MCTP1: variants seen among roughly 807,000 people sequenced by gnomAD.
MCTP1 encodes the protein multiple C2 and transmembrane domain containing 1.
In MCTP1, 69 loss-of-function variants were observed where a neutral mutation model predicts 120.6. The ratio of observed to expected loss-of-function variants is 0.57; its 90% CI spans 0.47 to 0.70. MCTP1 has a LOEUF of 0.70. Among genes scored for constraint, MCTP1 ranks in the 30% least tolerant of loss-of-function variants. The probability of loss-of-function intolerance (pLI) is 0.00; values close to 1 mark genes in which losing one functional copy is unlikely to be tolerated. For missense variants in MCTP1, 1,203 were observed against 1,248.8 expected, an observed-to-expected ratio of 0.96 and a Z score of 0.55; for synonymous variants, 529 against 493.1, an observed-to-expected ratio of 1.07 and a Z score of -0.96.
At position 94,706,907 on chromosome 5, in the gene MCTP1, T is replaced by C. The variant is rs1754770657; in HGVS notation, c.*589A>G. The C allele has an allele frequency of 6.6e-6, 1 of 151,876 alleles. No homozygotes were observed. Among genetic ancestry groups the C allele is most frequent in the South Asian group, 2.1e-4 (1 of 4,832 alleles). The allele number at this position is 151,876 out of a possible 1,614,324, so 9.4% of individuals were successfully genotyped here. On this transcript the variant is annotated 3_prime_UTR_variant, in exon 23 of 23. Coordinates refer to ENST00000515393, the MANE Select transcript of MCTP1 (RefSeq NM_024717.7). Reference sequence around the variant, plus strand: ...ATTCTCTTGAGGGAGTGAATGTACCTTCACTTATTAGCTTAAAATTAGCCT... The same window carrying C: ...ATTCTCTTGAGGGAGTGAATGTACCCTCACTTATTAGCTTAAAATTAGCCT...
intron 1 of MCTP1, among the ~76,000 whole-genome samples, chr5:95,120,118 A>T (rs934495057): frequency 9.8e-5 from 14 of 143,106 alleles, no homozygotes; most frequent in Admixed American, 3.0e-4. Flanking sequence ...CAGAGCTTGT[A>T]GTTAGCGGAG....
chr5:95,032,833 C>T (rs1314756194), intron 1 of MCTP1, among the ~76,000 whole-genome samples: 1 of 151,856 alleles, frequency 6.6e-6, no homozygotes, highest in African/African-American at 2.4e-5. Context: ...AATTGATAGA[C>T]CAGCAGCTAG....
At chr5:95,263,329 G>A (rs2152721856) in intron 1 of MCTP1, among the ~76,000 whole-genome samples, 2 of 152,256 alleles carry the variant, frequency 1.3e-5, no homozygotes, top group East Asian at 3.9e-4. Flanking sequence ...CTTCAGCCAA[G>A]CTATGGATCA....
At chr5:95,215,114 T>C (rs1024096146) in intron 1 of MCTP1, among the ~76,000 whole-genome samples, 3 of 152,204 alleles carry the variant, frequency 2.0e-5, no homozygotes, top group African/African-American at 7.2e-5. Context: ...TGTACCATGA[T>C]CACGTCCATC....
intron 1 of MCTP1, among the ~76,000 whole-genome samples, chr5:95,114,435 T>C (rs1757673070): frequency 6.6e-6 from 1 of 152,046 alleles, no homozygotes; most frequent in Non-Finnish European, 1.5e-5. Flanking sequence ...CCCTGAAGGG[T>C]GAGTAGCAGG....
chr5:94,952,735 A>C (rs1820940124), intron 3 of MCTP1, among the ~76,000 whole-genome samples: 2 of 149,614 alleles, frequency 1.3e-5, no homozygotes, highest in African/African-American at 4.9e-5. Flanking sequence ...AAGACTCCCC[A>C]CCCCCAGCCC....
At chr5:94,786,519 A>G (rs1372498836) in intron 18 of MCTP1, among the ~76,000 whole-genome samples, 1 of 152,200 alleles carries the variant, frequency 6.6e-6, no homozygotes, top group Non-Finnish European at 1.5e-5. Context: ...GGTGAATTGT[A>G]GCATAAAAGC....
intron 1 of MCTP1, among the ~76,000 whole-genome samples, chr5:95,173,918 A>G (rs1459352541): frequency 6.6e-6 from 1 of 152,200 alleles, no homozygotes; most frequent in Admixed American, 6.5e-5. Flanking sequence ...ATTAAAAATG[A>G]AAGAACTGAA....
intron 1 of MCTP1, among the ~76,000 whole-genome samples, chr5:95,214,474 A>G (rs1284817776): frequency 2.0e-5 from 3 of 152,114 alleles, no homozygotes; most frequent in Non-Finnish European, 4.4e-5. Context: ...TCAGGGATCT[A>G]GAACTAGAAA....
At chr5:95,044,902 C>A (rs1185215401) in intron 1 of MCTP1, among the ~76,000 whole-genome samples, 2 of 152,032 alleles carry the variant, frequency 1.3e-5, no homozygotes, top group Admixed American at 1.3e-4. Flanking sequence ...GCTCTTATTC[C>A]TCTTAAATTC....
chr5:94,731,175 G>A (rs937562791), intron 19 of MCTP1, among the ~76,000 whole-genome samples: 19 of 152,114 alleles, frequency 1.2e-4, no homozygotes, highest in Non-Finnish European at 2.1e-4. Flanking sequence ...ATACGTGGGG[G>A]AATTTAAGAT....
chr5:94,733,506 A>T (rs1763531406), intron 19 of MCTP1, among the ~76,000 whole-genome samples: 1 of 152,244 alleles, frequency 6.6e-6, no homozygotes, highest in Admixed American at 6.5e-5. Context: ...CACAAGTAAT[A>T]TTCCCTTCTC....
At chr5:94,739,790 CCCGAGTAG>C (rs1227078018) in intron 19 of MCTP1, among the ~76,000 whole-genome samples, 1 of 152,188 alleles carries the variant, frequency 6.6e-6, no homozygotes, top group Non-Finnish European at 1.5e-5. Context: ...TCACCACTCT[CCCGAGTAG>C]CTGGGATTAC....
chr5:94,925,470 G>A (rs893161357), intron 6 of MCTP1, among the ~76,000 whole-genome samples: 6 of 151,928 alleles, frequency 3.9e-5, no homozygotes, highest in East Asian at 1.9e-4. Flanking sequence ...GTGCAGTGGC[G>A]CAATCTCGGC....
At chr5:94,963,233 C>G (rs1194569328) in intron 2 of MCTP1, among the ~76,000 whole-genome samples, 3 of 152,024 alleles carry the variant, frequency 2.0e-5, no homozygotes, top group African/African-American at 7.2e-5. Flanking sequence ...GCTTCCATAT[C>G]TTGGCTATTG....
intron 1 of MCTP1, among the ~76,000 whole-genome samples, chr5:95,051,833 A>G (rs1745999403): frequency 1.3e-5 from 2 of 152,136 alleles, no homozygotes; most frequent in African/African-American, 4.8e-5. Flanking sequence ...GGAGCTAAAC[A>G]TTGAGTACAC....
In MCTP1 at chr5:94,739,947, C is replaced by T. The variant is rs150242537; in HGVS notation, c.2611-25061G>A. Among the ~76,000 whole-genome samples the T allele has an allele frequency of 5.0e-3, 763 of 152,266 alleles. 6 individuals are homozygous for T. The highest frequency in any genetic ancestry group is 0.012 in the African/African-American group (515 of 41,552). ...TCTCCCAAAGTGCTGGGATTACAGG[C>T]GTGAGCCACTGTGCCCGGCCTGTTT... On this transcript the variant is annotated intron_variant, in intron 19 of 22. Transcript: ENST00000515393.
chr5:94,770,848 A>G (rs1387418902), intron 19 of MCTP1, among the ~76,000 whole-genome samples: 1 of 152,196 alleles, frequency 6.6e-6, no homozygotes, highest in African/African-American at 2.4e-5. Context: ...TTCGACAAGG[A>G]TTTTGGAGAA....
At chr5:95,279,354 A>G (rs112489146) in intron 1 of MCTP1, among the ~76,000 whole-genome samples, 1,632 of 152,296 alleles carry the variant, frequency 0.011, 30 homozygotes, top group African/African-American at 0.036. Flanking sequence ...ATGCATACAT[A>G]CTTGCTAAAA....
Sources: gnomAD v4.1 joint callset for allele counts (sites outside exome capture counted in the v4.1 genomes callset) on GRCh38, gnomAD v4.1.1 for gene constraint, MANE v1.5 for transcripts, NCBI Gene and HGNC (gene_info 2026-07-23, HGNC 2026-07-21) for gene names.